The following CDK11A variants were observed in gnomAD, a reference collection of about 807,000 sequenced individuals.
CDK11A encodes the protein cyclin-dependent kinase 11A.
CDK11A carries 55 observed loss-of-function variants against 83.6 expected under a neutral mutation model. The ratio of observed to expected loss-of-function variants is 0.66; its 90% confidence interval spans 0.53 to 0.82. The LOEUF (loss-of-function observed/expected upper bound fraction) is 0.82, where lower values mean the gene tolerates loss of function less well. Ranked by LOEUF, CDK11A falls within the 40% of genes least tolerant of loss-of-function variation. CDK11A has a pLI of 0.00. For synonymous variants in CDK11A, 247 were observed against 302.7 expected (o/e 0.82, Z 1.91); for missense variants, 564 against 810.1 (o/e 0.70, Z 3.69).
chr1:1,717,234 T>C (rs1044848903), intron 4 of CDK11A, among the ~76,000 whole-genome samples: 1 of 151,324 alleles, frequency 6.6e-6, no homozygotes, highest in African/African-American at 2.4e-5. Flanking sequence ...ATCAGTTTTA[T>C]AATACAAAAA....
Position 1,716,392 on chromosome 1 carries a change from T to C in CDK11A, c.442A>G (p.Arg148Gly). The C allele has an allele frequency of 6.2e-7, 1 of 1,609,174 alleles. No homozygotes were observed. The highest frequency in any genetic ancestry group is 8.5e-7 in the Non-Finnish European group (1 of 1,176,652). Residue 148 changes from arginine (R) to glycine (G), a missense_variant, in exon 5 of 20, where the codon AGA becomes GGA. Coordinates refer to ENST00000404249, the MANE Select transcript of CDK11A (RefSeq NM_024011.4). ...CTTGCCATTTCCCTTCTCTTCTGTC[T>C]TTCCCATTCCCGGCGAGCTTTATCC... Reference protein sequence around the residue: ...EQDKARREWERQKRREMAREH... With the variant: ...EQDKARREWEGQKRREMAREH...
chr1:1,721,191 C>T (rs1644891585), intron 3 of CDK11A, among the ~76,000 whole-genome samples: 1 of 57,982 alleles, frequency 1.7e-5, no homozygotes, highest in Non-Finnish European at 6.2e-5. Context: ...TCTTGAGACA[C>T]CGTCTCAAAA....
At chr1:1,704,764 G>A in intron 13 of CDK11A, 109 bp from the exon 14 acceptor site, 1 of 1,598,306 alleles carries the variant, frequency 6.3e-7, no homozygotes, top group Non-Finnish European at 8.6e-7. Context: ...CACCCGGGAG[G>A]CAAATACTTG....
intron 16 of CDK11A, 45 bp from the exon 17 acceptor site, chr1:1,703,985 G>A (rs1328745525): frequency 6.2e-7 from 1 of 1,606,428 alleles, no homozygotes; most frequent in South Asian, 1.1e-5. Flanking sequence ...TGCCCGCGAA[G>A]CTGTGGGAGG....
chr1:1,704,216 G>C lies in CDK11A; in HGVS notation c.1686+7C>G, dbSNP rs762520255. 6.2e-7 allele frequency: 1 copy of C among 1,608,410 alleles called. No individual in the cohort carries two copies. The highest frequency in any genetic ancestry group is 1.7e-5 in the Admixed American group (1 of 59,814). On this transcript the variant is annotated splice_region_variant and intron_variant, in intron 15 of 19. Coordinates refer to ENST00000404249, the MANE Select transcript of CDK11A (RefSeq NM_024011.4). ...CCCTGGGATGGGCCACTCGGAGGGGGGCTCACCTTGAGGATGCCGGCGTGG... is the reference window on the plus strand; with the variant it reads ...CCCTGGGATGGGCCACTCGGAGGGGCGCTCACCTTGAGGATGCCGGCGTGG...
At chr1:1,710,657 C>T (rs1387315739) in intron 6 of CDK11A, among the ~76,000 whole-genome samples, 9 of 150,610 alleles carry the variant, frequency 6.0e-5, no homozygotes, top group Non-Finnish European at 1.2e-4. Context: ...AATCACCTGA[C>T]GGTAGATGTC....
At position 1,719,308 on chromosome 1, in the gene CDK11A, G is replaced by T. The variant is rs1057041762; in HGVS notation, c.355+20C>A. 12 of 1,495,968 alleles carry T rather than the reference G, an allele frequency of 8.0e-6. 1 individual carries two copies. Among genetic ancestry groups the T allele is most frequent in the Admixed American group, 2.6e-5 (1 of 37,822 alleles). 92.7% of individuals were successfully genotyped at this position (1,495,968 alleles called of 1,614,324 possible). On this transcript the variant is annotated intron_variant, in intron 4 of 19. Transcript: ENST00000404249. ...AACCACACTTGAACATGATGTCAAA[G>T]AAAGTAAATGCTTCTGTACCCCCTT...
chr1:1,720,111 G>C (rs1473917525), intron 3 of CDK11A, among the ~76,000 whole-genome samples: 1 of 150,102 alleles, frequency 6.7e-6, no homozygotes, highest in Non-Finnish European at 1.5e-5. Context: ...TATTTTATTT[G>C]AGATTGGAGT....
At chr1:1,720,472 C>A (rs4648773) in intron 3 of CDK11A, among the ~76,000 whole-genome samples, 121,029 of 150,344 alleles carry the variant, frequency 0.81, 51,258 homozygotes, top group Non-Finnish European at 0.93. Flanking sequence ...TGGCTCACTG[C>A]AACCTCTGCC....
chr1:1,719,903 CCG>C (rs1434863978), intron 3 of CDK11A, among the ~76,000 whole-genome samples: 1 of 150,490 alleles, frequency 6.6e-6, no homozygotes, highest in Non-Finnish European at 1.5e-5. Context: ...GCGTGAGCCA[CCG>C]CGCCCGGCCT....
intron 3 of CDK11A, among the ~76,000 whole-genome samples, chr1:1,721,004 C>T (rs1176355942): frequency 6.6e-6 from 1 of 150,548 alleles, no homozygotes; most frequent in Non-Finnish European, 1.5e-5. Context: ...CCGAGGTGGA[C>T]GGATCACCAG....
At chr1:1,719,943 G>A (rs1183209862) in intron 3 of CDK11A, among the ~76,000 whole-genome samples, 2 of 150,330 alleles carry the variant, frequency 1.3e-5, no homozygotes, top group East Asian at 2.0e-4. Flanking sequence ...GATGAAAAAT[G>A]TAAGAAATCA....
Position 1,704,467 on chromosome 1 carries a change from C to T in CDK11A, c.1564+83G>A, listed in dbSNP as rs775627839. ...GCTTTCCCTGTGGATGCAGCTGGCC[C>T]TCCCTGCAGCACTGTCACCGCGGGG... is the stretch of plus-strand genomic sequence containing the variant. On this transcript the variant is annotated intron_variant, in intron 14 of 19. Transcript: ENST00000404249. The T allele has an allele frequency of 3.5e-5, 54 of 1,544,466 alleles. 1 individual carries two copies. The South Asian group carries it at 6.1e-4, about 18-fold the overall frequency.
At position 1,703,515 on chromosome 1, in the gene CDK11A, C is replaced by G. The variant is rs779101783; in HGVS notation, c.2021G>C (p.Gly674Ala). The G allele has an allele frequency of 2.6e-5, 40 of 1,550,114 alleles. 1 individual carries two copies. In the East Asian group the frequency reaches 9.2e-4, roughly 36 times the overall value. ...GAAGCCCTGGTCTGAGAGCAGAGCC[C>G]CGAAGCGCTTGCGGAGGTTGTTGTA... ...HPYNNLRKRF[G>A]ALLSDQGFDL... The change falls in exon 18 of 20, where the codon GGG (glycine) becomes GCG (alanine). Residue 674 changes from glycine (G) to alanine (A), a missense_variant. Gly to Ala is a moderately conservative substitution (Grantham distance 60). Transcript: ENST00000404249.
chr1:1,718,558 C>T lies in CDK11A; in HGVS notation c.355+770G>A, dbSNP rs911927921. Among the ~76,000 whole-genome samples the T allele has an allele frequency of 3.3e-4, 50 of 150,868 alleles. 2 individuals are homozygous for T. Among genetic ancestry groups the T allele is most frequent in the African/African-American group, 1.0e-3 (42 of 41,154 alleles). ...TCTCTGGTTTTCGGTCTGTGACACA[C>T]GCACGCTTTCAGCTAGAGTATTCTC... On this transcript the variant is annotated intron_variant, in intron 4 of 19. Transcript: ENST00000404249.
chr1:1,708,498 G>A lies in CDK11A; in HGVS notation c.1004-253C>T, dbSNP rs550330998. Among the ~76,000 whole-genome samples, 24 of 122,418 alleles carry A rather than the reference G, an allele frequency of 2.0e-4. 2 individuals carry two copies. Among genetic ancestry groups the A allele is most frequent in the East Asian group, 6.4e-4 (3 of 4,710 alleles). The allele number at this position is 122,418 out of a possible 152,430, so 80.3% of individuals were successfully genotyped here. A position where few individuals can be genotyped will look rare whatever the true frequency, so the allele number is the denominator to read the frequency against. On this transcript the variant is annotated intron_variant, in intron 9 of 19. Transcript: ENST00000404249. The stretch of plus-strand genomic sequence containing the variant: ...TCGACTAAAAATACAAAAATTATCC[G>A]GGCGTGGTGGCGCACACCTGTACTC...
At chr1:1,719,668 T>C (rs1334382710) in intron 3 of CDK11A, among the ~76,000 whole-genome samples, 94 of 148,294 alleles carry the variant, frequency 6.3e-4, no homozygotes, top group African/African-American at 2.3e-3. Flanking sequence ...CAGGCTGGAG[T>C]GTAGACACGC....
chr1:1,716,302 C>T lies in CDK11A; in HGVS notation c.488+44G>A. On this transcript the variant is annotated intron_variant, in intron 5 of 19. Transcript: ENST00000404249. ...TTCATTGCTGTGACAGGACACACTACCACGGCCCTTTCATAAAGTCCTCAA... is the reference window on the plus strand; with the variant it reads ...TTCATTGCTGTGACAGGACACACTATCACGGCCCTTTCATAAAGTCCTCAA... The T allele has an allele frequency of 2.5e-6, 4 of 1,594,568 alleles. 1 individual carries two copies. Among genetic ancestry groups the T allele is most frequent in the Non-Finnish European group, 3.4e-6 (4 of 1,165,694 alleles).
chr1:1,722,699 A>G lies in CDK11A; in HGVS notation c.111+9T>C. On this transcript the variant is annotated intron_variant, in intron 2 of 19. Transcript: ENST00000404249. ...AAGAAAACCACTTACTTAAAAAAAT[A>G]TGGCTTACATTTTTTAAGCGTTTTA... 6.4e-7 allele frequency: 1 copy of G among 1,558,408 alleles called. No homozygotes were observed. Among genetic ancestry groups the G allele is most frequent in the Non-Finnish European group, 8.7e-7 (1 of 1,151,500 alleles).
Sources: gnomAD v4.1 joint callset for allele counts (sites outside exome capture counted in the v4.1 genomes callset) on GRCh38, gnomAD v4.1.1 for gene constraint, MANE v1.5 for transcripts, NCBI Gene and HGNC (gene_info 2026-07-23, HGNC 2026-07-21) for gene names.